The following TWIST2 variants were observed in gnomAD, a reference collection of about 807,000 sequenced individuals.
TWIST2 encodes the protein twist family bHLH transcription factor 2.
In TWIST2, 1 loss-of-function variant was observed where a neutral mutation model predicts 11.6. The ratio of observed to expected loss-of-function variants is 0.09; its 90% CI spans 0.03 to 0.41. The LOEUF (loss-of-function observed/expected upper bound fraction) is 0.41, where lower values mean the gene tolerates loss of function less well. Among genes scored for constraint, TWIST2 ranks in the 10% least tolerant of loss-of-function variants. The pLI is 0.98. For missense variants in TWIST2, 168 were observed against 226.4 expected (o/e 0.74, Z 1.66); for synonymous variants, 87 against 96.6 (o/e 0.90, Z 0.58).
At chr2:238,854,017 G>A (rs542450925) in intron 1 of TWIST2, among the ~76,000 whole-genome samples, 1 of 152,274 alleles carries the variant, frequency 6.6e-6, no homozygotes, top group South Asian at 2.1e-4. Flanking sequence ...TTTGACCAGG[G>A]AAAGATTCAG....
Position 238,869,812 on chromosome 2 carries a change from G to A in TWIST2, c.*35+21079G>A, listed in dbSNP as rs138288824. ...GAAAATAAAAAAGTAGCAGGGTGTG[G>A]CGGCCTATGCCTATAATCCTAGCTA... On this transcript the variant is annotated intron_variant, in intron 1 of 1. Coordinates refer to ENST00000612363, the MANE Select transcript of TWIST2 (RefSeq NM_001271893.4). Among the ~76,000 whole-genome samples, 4 of 152,226 alleles carry A rather than the reference G, an allele frequency of 2.6e-5. No individual in the cohort carries two copies. The East Asian group carries it at 7.7e-4, about 29-fold the overall frequency.
At chr2:238,851,636 T>C (rs1259156114) in intron 1 of TWIST2, among the ~76,000 whole-genome samples, 1 of 152,154 alleles carries the variant, frequency 6.6e-6, no homozygotes. Flanking sequence ...CACCATCTAA[T>C]ATATGTGAGC....
At position 238,864,179 on chromosome 2, in the gene TWIST2, G is replaced by C. The variant is rs537415901; in HGVS notation, c.*35+15446G>C. ...AATATTTGTAAGTTTCCATCAGCAT[G>C]GGGGGAAGGGGCTGGAGGTGAGGGG... On this transcript the variant is annotated intron_variant, in intron 1 of 1. Transcript: ENST00000612363. This position sits in a 1 kb window ranked among gnomAD's most constrained non-coding sequence, Gnocchi z 4.7. Among the ~76,000 whole-genome samples, 22 of 152,240 alleles carry C rather than the reference G, an allele frequency of 1.4e-4. No individual in the cohort carries two copies. The East Asian group carries it at 3.9e-3, about 27-fold the overall frequency.
At chr2:238,889,638 T>C (rs1693097520) in intron 1 of TWIST2, among the ~76,000 whole-genome samples, 1 of 152,216 alleles carries the variant, frequency 6.6e-6, no homozygotes, top group Non-Finnish European at 1.5e-5. Flanking sequence ...TATTCCTTCA[T>C]AGTTACCTGA....
Position 238,853,370 on chromosome 2 carries a change from C to T in TWIST2, c.*35+4637C>T, listed in dbSNP as rs551452109. 1.8e-3 allele frequency among the ~76,000 whole-genome samples: 248 copies of T among 134,308 alleles called. 8 individuals are homozygous for T. The South Asian group carries it at 0.053, about 29-fold the overall frequency. 88.1% of individuals were successfully genotyped at this position (134,308 alleles called of 152,430 possible). On this transcript the variant is annotated intron_variant, in intron 1 of 1. Transcript: ENST00000612363. ...AAGCAGTGAGAGGGAGAGGATATAG[C>T]AGAGGAGGGAGGGAGAGAGAGAGAG...
intron 1 of TWIST2, among the ~76,000 whole-genome samples, chr2:238,877,024 C>G (rs373441939): frequency 6.6e-6 from 1 of 152,104 alleles, no homozygotes; most frequent in East Asian, 1.9e-4. Context: ...CTGAGACCCC[C>G]GTCTCTACTA....
At chr2:238,850,154 C>T (rs984849891) in intron 1 of TWIST2, among the ~76,000 whole-genome samples, 2 of 152,182 alleles carry the variant, frequency 1.3e-5, no homozygotes. Flanking sequence ...AATTCTGTAG[C>T]TGCAGAGCCT....
chr2:238,871,480 C>A (rs1238095493), intron 1 of TWIST2, among the ~76,000 whole-genome samples: 1 of 87,292 alleles, frequency 1.1e-5, no homozygotes, highest in East Asian at 5.5e-4. Flanking sequence ...CACATCCCTC[C>A]CACACACACC....
chr2:238,856,574 A>T (rs1384021815), intron 1 of TWIST2, among the ~76,000 whole-genome samples: 1 of 152,126 alleles, frequency 6.6e-6, no homozygotes, highest in Non-Finnish European at 1.5e-5. Context: ...GAAGGTTAGG[A>T]TGTGAATAGG....
chr2:238,861,865 C>T (rs574298116), intron 1 of TWIST2, among the ~76,000 whole-genome samples: 3 of 152,294 alleles, frequency 2.0e-5, no homozygotes, highest in Admixed American at 6.5e-5. Flanking sequence ...CGAGCTGTCC[C>T]GCTCCATCCC....
In TWIST2 at chr2:238,896,309, A is replaced by G. The variant is rs1020980815; in HGVS notation, c.*36-13533A>G. 3.1e-3 allele frequency among the ~76,000 whole-genome samples: 473 copies of G among 152,310 alleles called. 2 individuals are homozygous for G. The highest frequency in any genetic ancestry group is 6.8e-3 in the Middle Eastern group (2 of 294). On this transcript the variant is annotated intron_variant, in intron 1 of 1. Transcript: ENST00000612363. Reference sequence around the variant, plus strand: ...GACAGGGATGCAGAAAGCACGGGAGACGTCCATAGCATGGGGAGCAAACAG... The same window carrying G: ...GACAGGGATGCAGAAAGCACGGGAGGCGTCCATAGCATGGGGAGCAAACAG...
At position 238,866,947 on chromosome 2, in the gene TWIST2, A is replaced by T. The variant is rs541825574; in HGVS notation, c.*35+18214A>T. ...CCCATGCCCTGCACAAGTGGGGGTC[A>T]TGGAGGGAGCCTCTGTTTCCCCACC... On this transcript the variant is annotated intron_variant, in intron 1 of 1. Coordinates refer to ENST00000612363, the MANE Select transcript of TWIST2 (RefSeq NM_001271893.4). The surrounding 1 kb of genome is among the most constrained non-coding windows in gnomAD (Gnocchi z 4.9). Among the ~76,000 whole-genome samples the T allele has an allele frequency of 5.3e-5, 8 of 152,268 alleles. No homozygotes were observed. In the East Asian group the frequency reaches 1.5e-3, roughly 29 times the overall value.
chr2:238,869,299 T>C (rs1381347842), intron 1 of TWIST2, among the ~76,000 whole-genome samples: 1 of 152,204 alleles, frequency 6.6e-6, no homozygotes, highest in East Asian at 1.9e-4. Flanking sequence ...AGGAACAATC[T>C]GGGATCTCTC....
At chr2:238,903,240 GGTGT>G (rs1342042274) in intron 1 of TWIST2, among the ~76,000 whole-genome samples, 2 of 146,190 alleles carry the variant, frequency 1.4e-5, no homozygotes, top group East Asian at 2.1e-4. Flanking sequence ...GTGTGGAATG[GGTGT>G]GTGTGAGATG....
intron 1 of TWIST2, among the ~76,000 whole-genome samples, chr2:238,902,805 G>T (rs941197266): frequency 2.8e-5 from 4 of 142,710 alleles, no homozygotes; most frequent in Non-Finnish European, 6.1e-5. Flanking sequence ...TGATGTGTGA[G>T]GTGTGTGTGA....
chr2:238,910,149 A>G lies in TWIST2; in HGVS notation c.*343A>G, dbSNP rs1057373343. On this transcript the variant is annotated 3_prime_UTR_variant, in exon 2 of 2. Transcript: ENST00000612363. ...TTTCTGAAAATGTCTAGATTCAGGA[A>G]CACATTTATGAGGATTTGGATTTTG... The G allele has an allele frequency of 5.8e-4, 88 of 152,162 alleles. 1 individual carries two copies. The highest frequency in any genetic ancestry group is 2.0e-3 in the African/African-American group (85 of 41,522). The allele number at this position is 152,162 out of a possible 1,614,324, so 9.4% of individuals were successfully genotyped here. A position where few individuals can be genotyped will look rare whatever the true frequency, so the allele number is the denominator to read the frequency against.
At chr2:238,890,304 C>T (rs931512597) in intron 1 of TWIST2, among the ~76,000 whole-genome samples, 5 of 152,214 alleles carry the variant, frequency 3.3e-5, no homozygotes, top group South Asian at 2.1e-4. Context: ...TGTGCAGGAC[C>T]GGCACAGTGA....
intron 1 of TWIST2, among the ~76,000 whole-genome samples, chr2:238,880,889 GTATT>G (rs1244178419): frequency 4.7e-5 from 5 of 106,504 alleles, no homozygotes; most frequent in African/African-American, 7.0e-5. Flanking sequence ...GTTAGTGTTG[GTATT>G]TATTATTATT....
chr2:238,852,241 T>G (rs1399117918), intron 1 of TWIST2, among the ~76,000 whole-genome samples: 1 of 152,232 alleles, frequency 6.6e-6, no homozygotes, highest in Non-Finnish European at 1.5e-5. Flanking sequence ...AAACAAATAT[T>G]TTAATAAGCC....
Sources: gnomAD v4.1 joint callset for allele counts (sites outside exome capture counted in the v4.1 genomes callset) on GRCh38, gnomAD v4.1.1 for gene constraint, Gnocchi (gnomAD v3.1) non-coding constraint, MANE v1.5 for transcripts, NCBI Gene and HGNC (gene_info 2026-07-23, HGNC 2026-07-21) for gene names.